The following KCNMA1 variants were observed in gnomAD, a reference collection of about 807,000 sequenced individuals.
The protein encoded by KCNMA1 is potassium calcium-activated channel subfamily M alpha 1.
A neutral mutation model predicts 140.0 loss-of-function variants in KCNMA1; 29 were observed. The observed-to-expected ratio is 0.21, with a 90% CI of 0.15 to 0.28. KCNMA1 has a LOEUF of 0.28. Ranked by LOEUF, KCNMA1 falls within the 10% of genes least tolerant of loss-of-function variation. The probability of loss-of-function intolerance (pLI) is 1.00; values close to 1 mark genes in which losing one functional copy is unlikely to be tolerated. For synonymous variants in KCNMA1, 612 were observed against 611.9 expected (o/e 1.00, Z 0.00); for missense variants, 880 against 1,602.2 (o/e 0.55, Z 7.70).
intron 25 of KCNMA1, among the ~76,000 whole-genome samples, chr10:76,897,021 C>T (rs1220647313): frequency 6.6e-6 from 1 of 151,058 alleles, no homozygotes; most frequent in African/African-American, 2.4e-5. Context: ...TACACACACA[C>T]ACACACACAC....
At chr10:76,959,106 C>T (rs2069755216) in intron 20 of KCNMA1, among the ~76,000 whole-genome samples, 1 of 152,172 alleles carries the variant, frequency 6.6e-6, no homozygotes, top group African/African-American at 2.4e-5. Context: ...TTCTCTACCC[C>T]ACCACCAACA....
intron 1 of KCNMA1, among the ~76,000 whole-genome samples, chr10:77,591,870 A>G (rs1243158903): frequency 6.6e-6 from 1 of 152,194 alleles, no homozygotes; most frequent in Non-Finnish European, 1.5e-5. Flanking sequence ...AAAATCACAG[A>G]ACCTGAATGC....
At chr10:77,003,235 G>C (rs920730783) in intron 18 of KCNMA1, among the ~76,000 whole-genome samples, 5 of 152,136 alleles carry the variant, frequency 3.3e-5, no homozygotes, top group African/African-American at 1.2e-4. Context: ...TAGCTAGTCT[G>C]TTGTTCAGAT....
intron 1 of KCNMA1, among the ~76,000 whole-genome samples, chr10:77,498,202 G>A (rs2042618849): frequency 6.6e-6 from 1 of 152,228 alleles, no homozygotes; most frequent in Non-Finnish European, 1.5e-5. Context: ...GGCCCTTGAA[G>A]AACCTCACAT....
chr10:77,265,575 G>T (rs1242059664), intron 2 of KCNMA1, among the ~76,000 whole-genome samples: 1 of 152,108 alleles, frequency 6.6e-6, no homozygotes, highest in Non-Finnish European at 1.5e-5. Flanking sequence ...TACTTTGAAG[G>T]CTTCCAAAGG....
chr10:77,249,879 G>C (rs2059363713), intron 3 of KCNMA1: 1 of 152,142 alleles, frequency 6.6e-6, no homozygotes, highest in South Asian at 2.1e-4. Context: ...GTGGAATCTT[G>C]TCTCCTGACA....
rs1270998019 is a variant in KCNMA1 at position 77,184,825 on chromosome 10, G to T, written c.694C>A (p.Arg232=). Reference sequence around the variant, plus strand: ...TGAACAATGTTGCACAAACTTACCCGCAAGCCGAAGTAGAGAAGGAAGAAC... The same window carrying T: ...TGAACAATGTTGCACAAACTTACCCTCAAGCCGAAGTAGAGAAGGAAGAAC... The part of the protein sequence containing the change: ...NVFFLLYFGL[R]FIAANDKLWF... The change falls in exon 4 of 28, where the codon CGG becomes AGG. Residue 232 remains arginine, a splice_region_variant and synonymous_variant. Coordinates refer to ENST00000286628, the MANE Select transcript of KCNMA1 (RefSeq NM_001161352.2). 2.5e-6 allele frequency: 4 copies of T among 1,596,778 alleles called. No individual in the cohort carries two copies. Among genetic ancestry groups the T allele is most frequent in the Non-Finnish European group, 3.4e-6 (4 of 1,164,690 alleles).
At position 77,468,334 on chromosome 10, in the gene KCNMA1, C is replaced by T. The variant is rs2098079302; in HGVS notation, c.379-64311G>A. ...TGTGTCTACACACAAGTTACTTAGCCCCTCTGTGCCTATTAAGGGCTGATT... is the reference window on the plus strand; with the variant it reads ...TGTGTCTACACACAAGTTACTTAGCTCCTCTGTGCCTATTAAGGGCTGATT... On this transcript the variant is annotated intron_variant, in intron 1 of 27. Coordinates refer to ENST00000286628, the MANE Select transcript of KCNMA1 (RefSeq NM_001161352.2). 2.0e-5 allele frequency among the ~76,000 whole-genome samples: 3 copies of T among 152,180 alleles called. 1 individual carries two copies. In the South Asian group the frequency reaches 6.2e-4, roughly 32 times the overall value.
intron 1 of KCNMA1, chr10:77,493,707 G>A (rs138650153): frequency 6.6e-6 from 1 of 152,260 alleles, no homozygotes; most frequent in Admixed American, 6.5e-5. Flanking sequence ...GCAGGGAAGA[G>A]AGCATCTCTT....
chr10:77,116,457 T>G (rs1191770992), intron 6 of KCNMA1, among the ~76,000 whole-genome samples: 2 of 152,066 alleles, frequency 1.3e-5, no homozygotes, highest in East Asian at 3.9e-4. Flanking sequence ...GCCATGCACT[T>G]TGTACAAAGA....
intron 3 of KCNMA1, among the ~76,000 whole-genome samples, chr10:77,225,530 C>G (rs2051047018): frequency 1.3e-5 from 2 of 152,206 alleles, no homozygotes; most frequent in Non-Finnish European, 1.5e-5. Flanking sequence ...CTCTAGAATT[C>G]TCCCACCTGA....
intron 29 of KCNMA1, among the ~76,000 whole-genome samples, chr10:76,879,367 A>G (rs1490335086): frequency 1.3e-5 from 2 of 151,842 alleles, no homozygotes; most frequent in Non-Finnish European, 2.9e-5. Flanking sequence ...TGGCTCACTC[A>G]CCTATTATAA....
intron 25 of KCNMA1, among the ~76,000 whole-genome samples, 195 bp downstream of exon 25, chr10:76,909,771 C>A (rs1437392852): frequency 6.6e-6 from 1 of 152,190 alleles, no homozygotes; most frequent in Non-Finnish European, 1.5e-5. Context: ...GCCTTCCTTG[C>A]ACTTGAGGAA....
chr10:76,941,152 AGGGAG>A (rs1308224645), intron 23 of KCNMA1, among the ~76,000 whole-genome samples: 6 of 41,258 alleles, frequency 1.5e-4, no homozygotes, highest in Admixed American at 6.5e-4. Flanking sequence ...AGGGAAGGGA[AGGGAG>A]GGAAGGGAAG....
downstream of KCNMA1, among the ~76,000 whole-genome samples, chr10:76,881,208 G>A (rs927898543): frequency 1.3e-5 from 2 of 152,202 alleles, no homozygotes; most frequent in Non-Finnish European, 2.9e-5. Flanking sequence ...AGGAGACAGC[G>A]CAGGGCAGGA....
In KCNMA1 at chr10:76,962,664, C is replaced by T. The variant is rs564655718; in HGVS notation, c.2360+7310G>A. Among the ~76,000 whole-genome samples, 4 of 152,334 alleles carry T rather than the reference C, an allele frequency of 2.6e-5. No homozygotes were observed. In the East Asian group the frequency reaches 5.8e-4, roughly 22 times the overall value. On this transcript the variant is annotated intron_variant, in intron 20 of 27. Coordinates refer to ENST00000286628, the MANE Select transcript of KCNMA1 (RefSeq NM_001161352.2). ...CTTCCTGGGAACTTCTAGAGATGCT[C>T]CTTCGGCAATAATAATTTCCATGTC...
intron 2 of KCNMA1, among the ~76,000 whole-genome samples, chr10:77,382,990 G>GTATATATATATATA (rs1401181000): frequency 1.2e-4 from 5 of 42,578 alleles, no homozygotes; most frequent in African/African-American, 8.8e-4. Flanking sequence ...GTGTGTGTGT[G>GTATATATATATATA]TGTGTATATA....
At chr10:77,151,509 G>A (rs2098418629) in intron 5 of KCNMA1, among the ~76,000 whole-genome samples, 1 of 152,068 alleles carries the variant, frequency 6.6e-6, no homozygotes, top group Non-Finnish European at 1.5e-5. Flanking sequence ...TTACAGGCAT[G>A]AGCCACCACA....
At position 76,924,828 on chromosome 10, in the gene KCNMA1, G is replaced by C. The variant is rs577904249; in HGVS notation, c.2903-9779C>G. 2.6e-5 allele frequency among the ~76,000 whole-genome samples: 4 copies of C among 152,268 alleles called. No individual in the cohort carries two copies. The South Asian group carries it at 8.3e-4, about 32-fold the overall frequency. On this transcript the variant is annotated intron_variant, in intron 23 of 27. Transcript: ENST00000286628. ...TCAGAGCAGAGGCCATTTACATAAA[G>C]CACACATGGGCAGTGAAGAGCCCAA...
Sources: allele counts gnomAD v4.1 joint callset (sites outside exome capture counted in the v4.1 genomes callset), GRCh38; gene constraint gnomAD v4.1.1; transcripts MANE v1.5; gene names NCBI Gene and HGNC (gene_info 2026-07-23, HGNC 2026-07-21).